Variants in CRB1 observed in about 807,000 individuals in gnomAD.
CRB1 encodes the protein crumbs cell polarity complex component 1, also known as protein crumbs homolog 1.
CRB1 carries 83 observed loss-of-function variants against 120.0 expected under a neutral mutation model. That is an observed-to-expected ratio of 0.69 (90% CI 0.58 to 0.83). The LOEUF is 0.83. Ranked by LOEUF, CRB1 falls within the 40% of genes least tolerant of loss-of-function variation. CRB1 has a pLI of 0.00. For synonymous variants in CRB1, 625 were observed against 612.5 expected, an observed-to-expected ratio of 1.02 and a Z score of -0.30; for missense variants, 1,699 against 1,687.6, an observed-to-expected ratio of 1.01 and a Z score of -0.12.
At chr1:197,413,914 G>T (rs1385976224) in intron 5 of CRB1, 1 of 456,572 alleles carries the variant, frequency 2.2e-6, no homozygotes, top group East Asian at 6.9e-5. Context: ...CAACCTAGTA[G>T]GTGTTTGGAT....
chr1:197,435,892 A>G lies in CRB1; in HGVS notation c.3749+280A>G, dbSNP rs139586930. On this transcript the variant is annotated intron_variant, in intron 9 of 11. Coordinates refer to ENST00000367400, the MANE Select transcript of CRB1 (RefSeq NM_201253.3). ...CTCATGAACTGTAGCCCCAGGGTCT[A>G]ACAGTTTCAAGGCCTCGGGAAACAA... Among the ~76,000 whole-genome samples the G allele has an allele frequency of 6.8e-4, 104 of 152,270 alleles. No individual in the cohort carries two copies. The East Asian group carries it at 0.02, about 29-fold the overall frequency.
At chr1:197,319,294 G>A (rs544703962) in intron 1 of CRB1, among the ~76,000 whole-genome samples, 35 of 127,192 alleles carry the variant, frequency 2.8e-4, no homozygotes, top group Non-Finnish European at 4.9e-4. Flanking sequence ...CGGACGTGGT[G>A]GCGGGTGCCT....
At chr1:197,228,569 G>T in the CRB1 span, among the ~76,000 whole-genome samples, 1 of 152,094 alleles carries the variant, frequency 6.6e-6, no homozygotes, top group Non-Finnish European at 1.5e-5. Flanking sequence ...CAGCATTTTG[G>T]GCAAAACCAT....
chr1:197,273,240 T>G (rs1388120028), intron 1 of CRB1, among the ~76,000 whole-genome samples: 1 of 152,078 alleles, frequency 6.6e-6, no homozygotes, highest in Non-Finnish European at 1.5e-5. Context: ...TAGTTTTGTG[T>G]TTTCCTCATG....
the CRB1 span, among the ~76,000 whole-genome samples, chr1:197,246,322 C>T: frequency 2.6e-5 from 4 of 152,030 alleles, no homozygotes; most frequent in African/African-American, 9.7e-5. Flanking sequence ...TTGCCCCTTT[C>T]CTGGTCTTTT....
chr1:197,401,411 C>T (rs764434116), intron 5 of CRB1, among the ~76,000 whole-genome samples: 3 of 152,050 alleles, frequency 2.0e-5, no homozygotes, highest in Non-Finnish European at 4.4e-5. Context: ...CTATGTAAGA[C>T]AAAGAATTTA....
intron 5 of CRB1, among the ~76,000 whole-genome samples, chr1:197,359,307 A>G (rs1429601676): frequency 6.6e-6 from 1 of 152,074 alleles, no homozygotes; most frequent in Non-Finnish European, 1.5e-5. Flanking sequence ...CAAGAATGTT[A>G]TATAAATGGA....
chr1:197,431,105 A>T (rs1363995384), intron 8 of CRB1, among the ~76,000 whole-genome samples: 1 of 151,964 alleles, frequency 6.6e-6, no homozygotes, highest in East Asian at 1.9e-4. Context: ...AAAATACTGC[A>T]CTAAAATAAT....
At chr1:197,323,765 G>A (rs748495598) in intron 1 of CRB1, among the ~76,000 whole-genome samples, 1 of 152,102 alleles carries the variant, frequency 6.6e-6, no homozygotes, top group Non-Finnish European at 1.5e-5. Context: ...ACATGCACTT[G>A]GTCCCTTACC....
chr1:197,245,141 A>G, the CRB1 span, among the ~76,000 whole-genome samples: 2 of 152,070 alleles, frequency 1.3e-5, no homozygotes, highest in East Asian at 3.9e-4. Context: ...TACATGTGCC[A>G]TGTTGGTGTG....
the CRB1 span, among the ~76,000 whole-genome samples, chr1:197,248,285 G>A: frequency 6.6e-6 from 1 of 151,932 alleles, no homozygotes. Context: ...AATAATTATT[G>A]TATAAAACGA....
At chr1:197,312,343 C>T (rs1399630985) in intron 1 of CRB1, among the ~76,000 whole-genome samples, 1 of 152,132 alleles carries the variant, frequency 6.6e-6, no homozygotes, top group Non-Finnish European at 1.5e-5. Flanking sequence ...ATGGATGAAT[C>T]ACCTGAGGTC....
At chr1:197,214,560 A>G in the CRB1 span, among the ~76,000 whole-genome samples, 3 of 152,212 alleles carry the variant, frequency 2.0e-5, no homozygotes, top group African/African-American at 7.2e-5. Context: ...CTATACACTG[A>G]TAAGTTGGGT....
chr1:197,437,900 C>T (rs538111136), intron 9 of CRB1: 1 of 154,392 alleles, frequency 6.5e-6, no homozygotes, highest in African/African-American at 2.4e-5. Context: ...AGTGAAGTTC[C>T]GCTTAGCTTC....
chr1:197,291,575 A>C (rs1477465343), intron 1 of CRB1, among the ~76,000 whole-genome samples: 1 of 151,866 alleles, frequency 6.6e-6, no homozygotes, highest in Non-Finnish European at 1.5e-5. Flanking sequence ...ATTTTAGTTC[A>C]TGCTGTTATC....
the CRB1 span, among the ~76,000 whole-genome samples, chr1:197,240,699 G>C: frequency 1.3e-5 from 2 of 152,144 alleles, no homozygotes; most frequent in African/African-American, 4.8e-5. Flanking sequence ...CTTTATAGTA[G>C]AATGATTTAT....
rs1166940272 is a variant in CRB1 at position 197,435,269 on chromosome 1, G to A, written c.3406G>A (p.Gly1136Ser). 1.4e-5 allele frequency: 22 copies of A among 1,613,700 alleles called. No individual in the cohort carries two copies. The Admixed American group carries it at 3.5e-4, about 26-fold the overall frequency. ...AATCTCTACCAATTCAGTGGTCACT[G>A]GCTGTTTGCAGTTAAATGTCTGCAA... Reference protein sequence around the residue: ...LKISTNSVVTGCLQLNVCNSN... With the variant: ...LKISTNSVVTSCLQLNVCNSN... The change falls in exon 9 of 12, where the codon GGC (glycine) becomes AGC (serine). Residue 1136 changes from glycine to serine, a missense_variant. Gly to Ser is a moderately conservative substitution (Grantham distance 56). Coordinates refer to ENST00000367400, the MANE Select transcript of CRB1 (RefSeq NM_201253.3).
intron 11 of CRB1, chr1:197,477,440 T>C (rs1667243211): frequency 1.6e-6 from 1 of 634,660 alleles, no homozygotes; most frequent in African/African-American, 1.8e-5. Context: ...AGGTATTTCA[T>C]GCCATATTTT....
the CRB1 span, among the ~76,000 whole-genome samples, chr1:197,262,995 T>G: frequency 6.4e-3 from 974 of 152,322 alleles, 14 homozygotes; most frequent in African/African-American, 0.023. Flanking sequence ...AACATATGAT[T>G]GCATGTGTAT....
Sources: gnomAD v4.1 joint callset for allele counts (sites outside exome capture counted in the v4.1 genomes callset) on GRCh38, gnomAD v4.1.1 for gene constraint, MANE v1.5 for transcripts, NCBI Gene and HGNC (gene_info 2026-07-23, HGNC 2026-07-21) for gene names.